Variants in GRID2 observed in about 807,000 individuals in gnomAD.
GRID2 encodes glutamate ionotropic receptor delta type subunit 2.
GRID2 carries 33 observed loss-of-function variants against 114.8 expected under a neutral mutation model. That is an observed-to-expected ratio of 0.29 (90% CI 0.22 to 0.38). The LOEUF (loss-of-function observed/expected upper bound fraction) is 0.38. GRID2 is among the 10% of genes least tolerant of loss of function. The pLI, the probability that GRID2 is intolerant of heterozygous loss-of-function variation, is 1.00. For missense variants in GRID2, 1,184 were observed against 1,257.7 expected, an observed-to-expected ratio of 0.94 and a Z score of 0.89; for synonymous variants, 505 against 449.9, an observed-to-expected ratio of 1.12 and a Z score of -1.55.
rs558301184 is a variant in GRID2 at position 92,753,740 on chromosome 4, G to A, written c.244+163454G>A. Among the ~76,000 whole-genome samples the A allele has an allele frequency of 2.2e-4, 33 of 152,252 alleles. No homozygotes were observed. The East Asian group carries it at 5.4e-3, about 25-fold the overall frequency. On this transcript the variant is annotated intron_variant, in intron 2 of 15. Transcript: ENST00000282020. ...CTAAAGAAGGGTTCACGGAGTTACT[G>A]TCAGTTTGAGGAAAGAAGGCAATTC...
intron 1 of GRID2, among the ~76,000 whole-genome samples, chr4:92,579,841 T>G (rs1728087870): frequency 6.7e-6 from 1 of 149,872 alleles, no homozygotes; most frequent in African/African-American, 2.4e-5. Flanking sequence ...TGATTTTTCT[T>G]AAGTAATTGA....
intron 8 of GRID2, among the ~76,000 whole-genome samples, chr4:93,336,641 C>A (rs1251313024): frequency 6.6e-6 from 1 of 152,128 alleles, no homozygotes; most frequent in Non-Finnish European, 1.5e-5. Context: ...AGGTGATGTG[C>A]CAATTGTCAC....
chr4:93,346,173 G>A (rs1354668168), intron 8 of GRID2, among the ~76,000 whole-genome samples: 6 of 151,948 alleles, frequency 3.9e-5, no homozygotes, highest in Non-Finnish European at 8.8e-5. Context: ...TTTTTCTGTA[G>A]TTACCTTGAA....
chr4:92,640,718 G>T (rs1182081182), intron 2 of GRID2, among the ~76,000 whole-genome samples: 2 of 151,750 alleles, frequency 1.3e-5, no homozygotes, highest in Non-Finnish European at 2.9e-5. Flanking sequence ...TTCTGTCCCA[G>T]CACTTTTTGA....
At chr4:93,132,165 C>G (rs1016704649) in intron 4 of GRID2, among the ~76,000 whole-genome samples, 1 of 152,102 alleles carries the variant, frequency 6.6e-6, no homozygotes, top group Admixed American at 6.6e-5. Context: ...CACTATTTTT[C>G]CCAATACAAC....
intron 8 of GRID2, among the ~76,000 whole-genome samples, chr4:93,321,192 G>T (rs1757172904): frequency 6.6e-6 from 1 of 151,956 alleles, no homozygotes; most frequent in African/African-American, 2.4e-5. Flanking sequence ...TTGGCAGCTG[G>T]GAGAATAAGA....
At chr4:92,424,875 C>T (rs919107018) in intron 1 of GRID2, among the ~76,000 whole-genome samples, 2 of 151,642 alleles carry the variant, frequency 1.3e-5, no homozygotes, top group African/African-American at 2.4e-5. Context: ...TTGCTTGTAA[C>T]CAGAGGAGCT....
chr4:92,810,434 C>T (rs1018741706), intron 2 of GRID2, among the ~76,000 whole-genome samples: 5 of 152,000 alleles, frequency 3.3e-5, no homozygotes, highest in African/African-American at 4.8e-5. Flanking sequence ...TTACACAGTT[C>T]GTCTATTTAA....
intron 2 of GRID2, among the ~76,000 whole-genome samples, chr4:92,662,986 G>C (rs1256555897): frequency 6.7e-6 from 1 of 150,000 alleles, no homozygotes; most frequent in Non-Finnish European, 1.5e-5. Flanking sequence ...GAATGATACT[G>C]TGCTTTTGAG....
intron 13 of GRID2, among the ~76,000 whole-genome samples, chr4:93,586,487 A>G (rs1215115832): frequency 1.3e-5 from 2 of 152,152 alleles, no homozygotes; most frequent in Non-Finnish European, 2.9e-5. Flanking sequence ...CCTAAGATCA[A>G]TAATAATGGT....
intron 2 of GRID2, among the ~76,000 whole-genome samples, chr4:92,985,538 G>A (rs891127116): frequency 1.1e-4 from 17 of 152,032 alleles, no homozygotes; most frequent in Admixed American, 9.8e-4. Flanking sequence ...CGTCCGGCCG[G>A]TAAAAATATT....
chr4:93,200,520 C>T (rs184774374), intron 4 of GRID2, among the ~76,000 whole-genome samples: 5 of 152,006 alleles, frequency 3.3e-5, no homozygotes, highest in Admixed American at 2.0e-4. Flanking sequence ...GAGCCGAGAT[C>T]GCGCCACTGC....
intron 1 of GRID2, among the ~76,000 whole-genome samples, chr4:92,576,629 A>T (rs902324415): frequency 6.6e-6 from 1 of 152,198 alleles, no homozygotes; most frequent in African/African-American, 2.4e-5. Flanking sequence ...GTGCCTGAGC[A>T]TCTGGTCTCC....
intron 1 of GRID2, among the ~76,000 whole-genome samples, chr4:92,551,515 T>C (rs534012910): frequency 6.6e-6 from 1 of 152,158 alleles, no homozygotes; most frequent in Non-Finnish European, 1.5e-5. Context: ...ATCTCAGAGA[T>C]AGATAAATTC....
intron 8 of GRID2, among the ~76,000 whole-genome samples, chr4:93,251,665 A>G (rs528026812): frequency 6.3e-4 from 95 of 151,890 alleles, no homozygotes; most frequent in Non-Finnish European, 1.1e-3. Context: ...CCTCCCACCC[A>G]CCACCCTCCA....
intron 11 of GRID2, among the ~76,000 whole-genome samples, chr4:93,486,299 G>A (rs997963781): frequency 1.1e-4 from 16 of 151,330 alleles, no homozygotes; most frequent in African/African-American, 2.4e-4. Flanking sequence ...TCACTAATCC[G>A]TAACTTTTGT....
intron 2 of GRID2, among the ~76,000 whole-genome samples, chr4:92,603,170 T>C (rs565229893): frequency 6.6e-6 from 1 of 152,130 alleles, no homozygotes; most frequent in African/African-American, 2.4e-5. Context: ...AAACTACCGA[T>C]GACATTCTTC....
chr4:93,012,943 A>T (rs1187929117), intron 2 of GRID2, among the ~76,000 whole-genome samples: 1 of 152,084 alleles, frequency 6.6e-6, no homozygotes, highest in Non-Finnish European at 1.5e-5. Context: ...ATTGAACATG[A>T]CATTGAAATA....
intron 2 of GRID2, among the ~76,000 whole-genome samples, chr4:93,064,259 A>C (rs971721355): frequency 4.0e-5 from 6 of 151,516 alleles, no homozygotes; most frequent in Admixed American, 3.3e-4. Context: ...CTTACAGATA[A>C]TAAAATCAAG....
Sources: allele counts gnomAD v4.1 joint callset (sites outside exome capture counted in the v4.1 genomes callset), GRCh38; gene constraint gnomAD v4.1.1; transcripts MANE v1.5; gene names NCBI Gene and HGNC (gene_info 2026-07-23, HGNC 2026-07-21).